Variants in ARHGAP10 observed in about 807,000 individuals in gnomAD.
ARHGAP10 encodes rho GTPase-activating protein 10.
In ARHGAP10, 87 loss-of-function variants were observed where a neutral mutation model predicts 108.6. The ratio of observed to expected loss-of-function variants is 0.80; its 90% CI spans 0.67 to 0.96. The LOEUF (loss-of-function observed/expected upper bound fraction) is 0.96. ARHGAP10 is among the 40% of genes least tolerant of loss of function. The pLI is 0.00. For synonymous variants in ARHGAP10, 347 were observed against 341.1 expected (o/e 1.02, Z -0.19); for missense variants, 939 against 954.5 (o/e 0.98, Z 0.21).
At chr4:147,798,201 G>A (rs779411173) in intron 1 of ARHGAP10, among the ~76,000 whole-genome samples, 7 of 151,478 alleles carry the variant, frequency 4.6e-5, no homozygotes, top group African/African-American at 9.7e-5. Flanking sequence ...TGTGTGGACC[G>A]TTTGTTGTGA....
intron 18 of ARHGAP10, among the ~76,000 whole-genome samples, chr4:148,016,098 C>T (rs544335173): frequency 6.6e-6 from 1 of 152,222 alleles, no homozygotes; most frequent in African/African-American, 2.4e-5. Context: ...AGGCATGTGG[C>T]AAGTACCCAA....
chr4:147,759,511 C>G (rs1729509191), intron 1 of ARHGAP10, among the ~76,000 whole-genome samples: 4 of 151,570 alleles, frequency 2.6e-5, no homozygotes, highest in East Asian at 1.9e-4. Flanking sequence ...GAGTTCGAGG[C>G]TGTAGTTTGC....
chr4:147,940,978 AT>A (rs1738146139), intron 14 of ARHGAP10, among the ~76,000 whole-genome samples: 1 of 152,156 alleles, frequency 6.6e-6, no homozygotes, highest in Admixed American at 6.5e-5. Flanking sequence ...TGGGTGTGCA[AT>A]TTTGGCAGTC....
In ARHGAP10 at chr4:148,040,821, G is replaced by T. The variant is rs190707681; in HGVS notation, c.1868-6071G>T. Among the ~76,000 whole-genome samples, 572 of 151,996 alleles carry T rather than the reference G, an allele frequency of 3.8e-3. 2 individuals are homozygous for T. Among genetic ancestry groups the T allele is most frequent in the African/African-American group, 0.013 (526 of 41,372 alleles). On this transcript the variant is annotated intron_variant, in intron 19 of 22. Transcript: ENST00000336498. Reference sequence around the variant, plus strand: ...TATTTATTAAAAAAGATTTGGGGGGGGTTATTTGGTGTATGTGTGAGGGAG... The same window carrying T: ...TATTTATTAAAAAAGATTTGGGGGGTGTTATTTGGTGTATGTGTGAGGGAG...
chr4:148,049,824 T>TTTG (rs1729046597), intron 20 of ARHGAP10, among the ~76,000 whole-genome samples: 3 of 62,028 alleles, frequency 4.8e-5, no homozygotes, highest in Non-Finnish European at 7.5e-5. Context: ...TTGTTTGTTT[T>TTTG]TTTTGGGTGG....
chr4:147,887,273 G>A (rs2126880500), intron 10 of ARHGAP10, among the ~76,000 whole-genome samples: 1 of 152,194 alleles, frequency 6.6e-6, no homozygotes, highest in Admixed American at 6.5e-5. Flanking sequence ...TGTGGGAGCT[G>A]CCTGTGTTCC....
intron 1 of ARHGAP10, among the ~76,000 whole-genome samples, chr4:147,762,782 A>G (rs1729644389): frequency 6.6e-6 from 1 of 151,882 alleles, no homozygotes; most frequent in Non-Finnish European, 1.5e-5. Context: ...CACCTGCCTC[A>G]GCCTCCCAAA....
intron 20 of ARHGAP10, among the ~76,000 whole-genome samples, chr4:148,053,792 G>C (rs1729247235): frequency 6.6e-6 from 1 of 152,178 alleles, no homozygotes; most frequent in Non-Finnish European, 1.5e-5. Flanking sequence ...CACATCCATT[G>C]TGGCTTGCTG....
At position 148,046,871 on chromosome 4, in the gene ARHGAP10, C is replaced by T. The variant is rs755682630; in HGVS notation, c.1868-21C>T. ...CTTCTCCAGGTATTTGTTTGATATT[C>T]AATGCTTTTTTTCCTCCTAGGTGAC... On this transcript the variant is annotated intron_variant, in intron 19 of 22. Coordinates refer to ENST00000336498, the MANE Select transcript of ARHGAP10 (RefSeq NM_024605.4). 32 of 1,601,428 alleles carry T rather than the reference C, an allele frequency of 2.0e-5. No homozygotes were observed. The South Asian group carries it at 3.4e-4, about 17-fold the overall frequency.
chr4:147,934,352 G>T (rs11733794), intron 13 of ARHGAP10, among the ~76,000 whole-genome samples: 7,230 of 152,252 alleles, frequency 0.047, 245 homozygotes, highest in Non-Finnish European at 0.074. Context: ...CTCCACCAAG[G>T]TTTCACAAAC....
At chr4:147,741,768 ACACACACACACACACACACACACG>A (rs1489975901) in intron 1 of ARHGAP10, among the ~76,000 whole-genome samples, 36 of 22,966 alleles carry the variant, frequency 1.6e-3, no homozygotes, top group African/African-American at 5.3e-3. Context: ...CGTTCTCTTT[ACACACACACACACACACACACACG>A]CACACACACA....
chr4:147,736,230 T>C (rs1173159534), intron 1 of ARHGAP10, among the ~76,000 whole-genome samples: 1 of 152,102 alleles, frequency 6.6e-6, no homozygotes, highest in Non-Finnish European at 1.5e-5. Context: ...GCCTTGTTAG[T>C]GGCAGAGCCT....
chr4:148,032,231 C>T, intron 19 of ARHGAP10, among the ~76,000 whole-genome samples: 1 of 151,010 alleles, frequency 6.6e-6, no homozygotes, highest in Non-Finnish European at 1.5e-5. Context: ...CCTGCGTCTG[C>T]AAGCCAGATC....
At chr4:148,049,432 C>T (rs1413145933) in intron 20 of ARHGAP10, among the ~76,000 whole-genome samples, 1 of 152,232 alleles carries the variant, frequency 6.6e-6, no homozygotes, top group East Asian at 1.9e-4. Context: ...GTAAAACACA[C>T]TCTTCTAGGG....
intron 5 of ARHGAP10, chr4:147,863,980 C>T (rs1399022650): frequency 6.6e-6 from 1 of 152,192 alleles, no homozygotes; most frequent in Non-Finnish European, 1.5e-5. Flanking sequence ...GATTTGCATC[C>T]TAATGATGAG....
Position 147,913,091 on chromosome 4 carries a change from A to G in ARHGAP10, c.1180A>G (p.Met394Val). The G allele has an allele frequency of 6.2e-7, 1 of 1,613,812 alleles. No homozygotes were observed. The highest frequency in any genetic ancestry group is 8.5e-7 in the Non-Finnish European group (1 of 1,179,752). The change falls in exon 13 of 23, where the codon ATG becomes GTG. Residue 394 changes from methionine to valine, a missense_variant. Physicochemically the swap from Met to Val is conservative, Grantham distance 21 (BLOSUM62 1). Transcript: ENST00000336498. ...RPEGNAQLDK[M>V]GFTIIRKCIS... ...TCTTGTAGATGCACAGTTGGATAAGATGGGGTTCACAATTATCAGAAAATG... is the reference window on the plus strand; with the variant it reads ...TCTTGTAGATGCACAGTTGGATAAGGTGGGGTTCACAATTATCAGAAAATG...
At chr4:147,897,052 C>T (rs1416813545) in intron 10 of ARHGAP10, among the ~76,000 whole-genome samples, 1 of 151,932 alleles carries the variant, frequency 6.6e-6, no homozygotes, top group African/African-American at 2.4e-5. Context: ...TAATAATTAT[C>T]TTAAACTCTA....
intron 1 of ARHGAP10, among the ~76,000 whole-genome samples, chr4:147,742,267 A>G (rs1728710556): frequency 6.6e-6 from 1 of 152,026 alleles, no homozygotes; most frequent in African/African-American, 2.4e-5. Context: ...ATTTTTCTTT[A>G]TTAGTAAAAT....
At chr4:147,962,113 C>T (rs983115113) in intron 16 of ARHGAP10, among the ~76,000 whole-genome samples, 5 of 152,238 alleles carry the variant, frequency 3.3e-5, no homozygotes, top group African/African-American at 1.2e-4. Flanking sequence ...TTGAATGTCA[C>T]TTCCTCCATT....
Sources: gnomAD v4.1 joint callset for allele counts (sites outside exome capture counted in the v4.1 genomes callset) on GRCh38, gnomAD v4.1.1 for gene constraint, MANE v1.5 for transcripts, NCBI Gene and HGNC (gene_info 2026-07-23, HGNC 2026-07-21) for gene names.